The following TYW1 variants were observed in gnomAD, a reference collection of about 807,000 sequenced individuals.
TYW1 encodes the protein S-adenosyl-L-methionine-dependent tRNA 4-demethylwyosine synthase TYW1.
Under a neutral mutation model 96.2 loss-of-function variants are expected in TYW1, and 46 were observed. The observed-to-expected ratio is 0.48, with a 90% CI of 0.38 to 0.61. TYW1 has a LOEUF of 0.61. Among genes scored for constraint, TYW1 ranks in the 20% least tolerant of loss-of-function variants. TYW1 has a pLI of 0.00. For synonymous variants in TYW1, 274 were observed against 323.0 expected (o/e 0.85, Z 1.63); for missense variants, 684 against 909.6 (o/e 0.75, Z 3.19).
chr7:67,194,533 G>A (rs1302722482), intron 14 of TYW1, among the ~76,000 whole-genome samples: 2 of 152,112 alleles, frequency 1.3e-5, no homozygotes, highest in Non-Finnish European at 2.9e-5. Flanking sequence ...GCTGAGGCAC[G>A]AGACTCTCTT....
rs568292836 is a variant in TYW1 at position 67,082,698 on chromosome 7, C to T, written c.1275-732C>T. ...TGGGGAGCTGGTCCTTGGGCCCTGG[C>T]GTTGTGTCTGTCTTGGGGGTGGTCT... is the stretch of plus-strand genomic sequence containing the variant. On this transcript the variant is annotated intron_variant, in intron 10 of 15. Transcript: ENST00000359626. Among the ~76,000 whole-genome samples, 37 of 151,856 alleles carry T rather than the reference C, an allele frequency of 2.4e-4. 1 individual carries two copies. The highest frequency in any genetic ancestry group is 3.4e-3 in the Middle Eastern group (1 of 294).
At chr7:67,163,348 C>T (rs1180151691) in intron 13 of TYW1, among the ~76,000 whole-genome samples, 1 of 152,190 alleles carries the variant, frequency 6.6e-6, no homozygotes, top group Non-Finnish European at 1.5e-5. Context: ...TTTTCACATT[C>T]TGCTGCCAGT....
At chr7:67,116,950 C>T (rs549574961) in intron 12 of TYW1, among the ~76,000 whole-genome samples, 1 of 152,260 alleles carries the variant, frequency 6.6e-6, no homozygotes, top group African/African-American at 2.4e-5. Context: ...CCACCCAAGG[C>T]TTGACATGAA....
intron 12 of TYW1, among the ~76,000 whole-genome samples, chr7:67,114,036 C>T (rs1435224320): frequency 2.0e-5 from 3 of 152,148 alleles, no homozygotes; most frequent in Non-Finnish European, 1.5e-5. Context: ...ACTGCGTGGT[C>T]GTTTTATTGT....
At chr7:67,148,849 A>T (rs1798698614) in intron 13 of TYW1, among the ~76,000 whole-genome samples, 1 of 152,232 alleles carries the variant, frequency 6.6e-6, no homozygotes, top group South Asian at 2.1e-4. Flanking sequence ...ATTTTAAAAA[A>T]TAACCATTGC....
chr7:67,058,385 G>A (rs1261726417), intron 9 of TYW1, among the ~76,000 whole-genome samples: 2 of 152,230 alleles, frequency 1.3e-5, no homozygotes, highest in Non-Finnish European at 2.9e-5. Context: ...CTAGAGCGGT[G>A]TGGCAGGAGC....
intron 7 of TYW1, among the ~76,000 whole-genome samples, chr7:67,040,369 A>G (rs7789673): frequency 0.24 from 37,169 of 151,810 alleles, 5,000 homozygotes; most frequent in African/African-American, 0.34. Flanking sequence ...TGAAAAATGT[A>G]TGAATGTTTT....
chr7:67,109,836 C>T (rs1797348527), intron 12 of TYW1, among the ~76,000 whole-genome samples: 1 of 152,132 alleles, frequency 6.6e-6, no homozygotes, highest in South Asian at 2.1e-4. Context: ...ACTGAAATCG[C>T]ACCATTGCAC....
chr7:67,017,338 T>G (rs905235336), intron 5 of TYW1, among the ~76,000 whole-genome samples: 9 of 152,184 alleles, frequency 5.9e-5, no homozygotes, highest in Admixed American at 3.9e-4. Context: ...TATTAAGTTT[T>G]TGAACTCTTA....
chr7:67,185,979 C>A (rs1038096981), intron 14 of TYW1, among the ~76,000 whole-genome samples: 12 of 143,982 alleles, frequency 8.3e-5, no homozygotes, highest in African/African-American at 3.2e-4. Context: ...ATACTGCTGT[C>A]TGAGTACGTA....
chr7:67,055,616 C>A (rs1280658875), intron 8 of TYW1, among the ~76,000 whole-genome samples: 1 of 148,594 alleles, frequency 6.7e-6, no homozygotes, highest in South Asian at 2.1e-4. Context: ...AAAAAAAGAT[C>A]ATTTCTTTAT....
chr7:67,181,242 C>G (rs1337790079), intron 13 of TYW1, among the ~76,000 whole-genome samples: 1 of 152,028 alleles, frequency 6.6e-6, no homozygotes, highest in East Asian at 1.9e-4. Flanking sequence ...TAACAAAATG[C>G]TGAATTTTAC....
intron 15 of TYW1, 142 bp from the exon 16 acceptor site, chr7:67,238,166 G>A: frequency 1.6e-6 from 2 of 1,240,018 alleles, no homozygotes; most frequent in South Asian, 3.2e-5. Flanking sequence ...ACATGGAAGA[G>A]GTTTTTTTGT....
At chr7:67,156,304 G>A (rs1798967894) in intron 13 of TYW1, among the ~76,000 whole-genome samples, 1 of 152,238 alleles carries the variant, frequency 6.6e-6, no homozygotes, top group Admixed American at 6.5e-5. Flanking sequence ...GCCCCTGGGA[G>A]ACACGCAGGT....
Position 67,210,869 on chromosome 7 carries a change from TATCTATCCATCTGTCCATCC to T in TYW1, c.1977+15562_1977+15581del, listed in dbSNP as rs796331988. On this transcript the variant is annotated intron_variant, in intron 15 of 15. Coordinates refer to ENST00000359626, the MANE Select transcript of TYW1 (RefSeq NM_018264.4). ...ATCCATCCATCCACCTTCTATCATC[TATCTATCCATCTGTCCATCC>T]ATCTATCCATCTGTCCATCCATCTA... Among the ~76,000 whole-genome samples the T allele has an allele frequency of 2.0e-3, 292 of 149,706 alleles. 5 individuals carry two copies. The highest frequency in any genetic ancestry group is 6.9e-3 in the Middle Eastern group (2 of 288).
chr7:67,023,125 C>G (rs1304742439), intron 6 of TYW1, among the ~76,000 whole-genome samples: 1 of 151,916 alleles, frequency 6.6e-6, no homozygotes, highest in East Asian at 1.9e-4. Flanking sequence ...GAGATGGAGT[C>G]TTGCTCTGTT....
intron 13 of TYW1, among the ~76,000 whole-genome samples, chr7:67,174,623 G>A (rs1422729452): frequency 2.0e-5 from 3 of 150,000 alleles, no homozygotes; most frequent in Non-Finnish European, 4.4e-5. Context: ...AAAAAGAACA[G>A]AGCAGTAAAT....
At chr7:67,191,209 T>A (rs910164245) in intron 14 of TYW1, among the ~76,000 whole-genome samples, 1 of 152,124 alleles carries the variant, frequency 6.6e-6, no homozygotes, top group African/African-American at 2.4e-5. Flanking sequence ...CACCTCCCAC[T>A]GGGCTCCACC....
intron 12 of TYW1, 133 bp downstream of exon 12, chr7:67,098,851 T>C (rs1797003058): frequency 1.0e-6 from 1 of 987,868 alleles, no homozygotes; most frequent in Admixed American, 3.1e-5. Flanking sequence ...CTTTGGGAGG[T>C]GAAGATGGTC....
Sources: gnomAD v4.1 joint callset for allele counts (sites outside exome capture counted in the v4.1 genomes callset) on GRCh38, gnomAD v4.1.1 for gene constraint, MANE v1.5 for transcripts, NCBI Gene and HGNC (gene_info 2026-07-23, HGNC 2026-07-21) for gene names.